The following WDR59 variants were observed in gnomAD, a reference collection of about 807,000 sequenced individuals.
The protein encoded by WDR59 is WD repeat domain 59, also known as GATOR2 complex protein WDR59.
Under a neutral mutation model 131.2 loss-of-function variants are expected in WDR59, and 100 were observed. That is an observed-to-expected ratio of 0.76 (90% CI 0.65 to 0.90). The LOEUF is 0.90. Among genes scored for constraint, WDR59 ranks in the 40% least tolerant of loss-of-function variants. WDR59 has a pLI of 0.00. For synonymous variants in WDR59, 601 were observed against 466.2 expected, an observed-to-expected ratio of 1.29 and a Z score of -3.72; for missense variants, 1,203 against 1,262.2, an observed-to-expected ratio of 0.95 and a Z score of 0.71.
intron 24 of WDR59, 56 bp from the exon 25 acceptor site, chr16:74,885,851 T>A: frequency 6.3e-7 from 1 of 1,593,886 alleles, no homozygotes; most frequent in South Asian, 1.1e-5. Context: ...ACAAGCTTCA[T>A]CCTAAATGGC....
At chr16:74,881,168 C>T (rs1295519535) in intron 25 of WDR59, among the ~76,000 whole-genome samples, 1 of 152,040 alleles carries the variant, frequency 6.6e-6, no homozygotes, top group African/African-American at 2.4e-5. Flanking sequence ...AGCAATATCC[C>T]CACAAAATGA....
chr16:74,883,271 C>T (rs1037667600), intron 25 of WDR59, among the ~76,000 whole-genome samples: 11 of 152,032 alleles, frequency 7.2e-5, no homozygotes, highest in African/African-American at 9.7e-5. Context: ...GATCCATCCA[C>T]CTCAGCCTCC....
chr16:74,976,613 C>T (rs7184327), intron 1 of WDR59, among the ~76,000 whole-genome samples: 147,396 of 151,986 alleles, frequency 0.97, 71,598 homozygotes, highest in East Asian at 1. Context: ...GGCTAATTTT[C>T]TGTATTTTTA....
At chr16:74,892,652 C>T (rs972592116) in intron 19 of WDR59, 87 bp from the exon 20 acceptor site, 4 of 1,106,864 alleles carry the variant, frequency 3.6e-6, no homozygotes, top group Non-Finnish European at 5.3e-6. Context: ...AGATGAGAAC[C>T]TGACTCTTTG....
intron 1 of WDR59, among the ~76,000 whole-genome samples, chr16:74,984,120 T>C (rs2034531463): frequency 6.6e-6 from 1 of 151,756 alleles, no homozygotes; most frequent in Non-Finnish European, 1.5e-5. Flanking sequence ...CTACTAAAAA[T>C]ACAAAAATTA....
At chr16:74,972,131 C>A (rs1388308567) in intron 1 of WDR59, among the ~76,000 whole-genome samples, 1 of 152,162 alleles carries the variant, frequency 6.6e-6, no homozygotes, top group African/African-American at 2.4e-5. Context: ...TCTTAGAAGT[C>A]TTTGTTCCTT....
intron 6 of WDR59, among the ~76,000 whole-genome samples, chr16:74,944,425 C>T (rs1369070400): frequency 1.3e-5 from 2 of 148,944 alleles, no homozygotes; most frequent in East Asian, 3.9e-4. Flanking sequence ...AAGACTGCAC[C>T]ACTGCACTCA....
intron 17 of WDR59, among the ~76,000 whole-genome samples, chr16:74,907,739 C>T (rs1471433598): frequency 6.6e-6 from 1 of 152,154 alleles, no homozygotes. Context: ...CTGTATAATC[C>T]TAAAGCTTTA....
intron 25 of WDR59, among the ~76,000 whole-genome samples, chr16:74,876,179 T>C (rs533820084): frequency 2.6e-5 from 4 of 152,310 alleles, no homozygotes; most frequent in Admixed American, 6.5e-5. Context: ...AAAACTCCTC[T>C]GATATGTGGT....
intron 14 of WDR59, among the ~76,000 whole-genome samples, chr16:74,910,169 T>C (rs1358370384): frequency 3.3e-5 from 5 of 152,052 alleles, no homozygotes; most frequent in Admixed American, 3.3e-4. Context: ...GGTTTCACCA[T>C]GTTGGCCAGG....
At chr16:74,969,830 A>G (rs547730556) in intron 1 of WDR59, among the ~76,000 whole-genome samples, 1 of 152,112 alleles carries the variant, frequency 6.6e-6, no homozygotes, top group East Asian at 1.9e-4. Context: ...ATTGTCACAC[A>G]GGTTGGAGTA....
chr16:74,956,638 G>C (rs1193741237), intron 2 of WDR59, 28 bp from the exon 3 acceptor site: 3 of 1,603,424 alleles, frequency 1.9e-6, no homozygotes, highest in African/African-American at 2.7e-5. Flanking sequence ...CATTATAATA[G>C]TATAAAAACA....
Position 74,971,133 on chromosome 16 carries a change from C to T in WDR59, c.55-5311G>A, listed in dbSNP as rs1597814288. Among the ~76,000 whole-genome samples the T allele has an allele frequency of 2.6e-5, 4 of 152,078 alleles. No individual in the cohort carries two copies. The East Asian group carries it at 7.7e-4, about 29-fold the overall frequency. On this transcript the variant is annotated intron_variant, in intron 1 of 25. Coordinates refer to ENST00000262144, the MANE Select transcript of WDR59 (RefSeq NM_030581.4). ...GCTCACAATGTGCCAAGGTGTTCCT[C>T]GACATCTCTGAGAATATTTTTGGTG...
intron 18 of WDR59, chr16:74,899,681 T>C: frequency 7.8e-7 from 1 of 1,288,984 alleles, no homozygotes; most frequent in Non-Finnish European, 1.0e-6. Context: ...GGAGAGCATT[T>C]GCACAGCGCA....
chr16:74,942,590 G>A lies in WDR59; in HGVS notation c.534+148C>T, dbSNP rs1015338857. 3.1e-5 allele frequency: 21 copies of A among 673,712 alleles called. 1 individual carries two copies. Among genetic ancestry groups the A allele is most frequent in the South Asian group, 2.8e-4 (16 of 56,830 alleles). 41.7% of individuals were successfully genotyped at this position (673,712 alleles called of 1,614,324 possible). On this transcript the variant is annotated intron_variant, in intron 7 of 25. Coordinates refer to ENST00000262144, the MANE Select transcript of WDR59 (RefSeq NM_030581.4). Reference sequence around the variant, plus strand: ...AACACTGGATTGAGACGCAAATATCGTCTGGTACTATGAGCTTAAAATGGT... The same window carrying A: ...AACACTGGATTGAGACGCAAATATCATCTGGTACTATGAGCTTAAAATGGT...
chr16:74,874,406 G>A lies in WDR59; in HGVS notation c.2728C>T (p.Arg910Cys), dbSNP rs368593073. The A allele has an allele frequency of 8.1e-6, 13 of 1,614,076 alleles. No individual in the cohort carries two copies. The Middle Eastern group carries it at 4.9e-4, about 61-fold the overall frequency. Residue 910 changes from arginine (R) to cysteine (C), a missense_variant, in exon 26 of 26, where the codon CGT (arginine) becomes TGT (cysteine). Coordinates refer to ENST00000262144, the MANE Select transcript of WDR59 (RefSeq NM_030581.4). ...VYCSHCRSEVRGTQCAICKGF... is the reference protein window; with the variant it reads ...VYCSHCRSEVCGTQCAICKGF... ...TTGCAGATGGCACACTGCGTGCCAC[G>A]GACCTCACTCCGGCAGTGGCTGCAG...
At chr16:74,920,740 G>C (rs1306771795) in intron 10 of WDR59, among the ~76,000 whole-genome samples, 1 of 152,050 alleles carries the variant, frequency 6.6e-6, no homozygotes. Flanking sequence ...TGGGTTTATC[G>C]GGACATAACC....
intron 1 of WDR59, among the ~76,000 whole-genome samples, chr16:74,978,077 C>T (rs1429149891): frequency 6.6e-6 from 1 of 151,686 alleles, no homozygotes; most frequent in Non-Finnish European, 1.5e-5. Context: ...CAGGACTGGC[C>T]AGGCACAGTG....
intron 13 of WDR59, among the ~76,000 whole-genome samples, chr16:74,913,576 C>G (rs1647163818): frequency 6.6e-6 from 1 of 152,136 alleles, no homozygotes; most frequent in South Asian, 2.1e-4. Context: ...CAGGCATGAG[C>G]CACCACGAAG....
Sources: gnomAD v4.1 joint callset for allele counts (sites outside exome capture counted in the v4.1 genomes callset) on GRCh38, gnomAD v4.1.1 for gene constraint, MANE v1.5 for transcripts, NCBI Gene and HGNC (gene_info 2026-07-23, HGNC 2026-07-21) for gene names.